Variants in NPAS3 observed in about 807,000 individuals in gnomAD.
NPAS3 encodes the protein neuronal PAS domain protein 3, also known as neuronal PAS domain-containing protein 3.
Under a neutral mutation model 73.1 loss-of-function variants are expected in NPAS3, and 14 were observed. The ratio of observed to expected loss-of-function variants is 0.19; its 90% confidence interval spans 0.13 to 0.30. The LOEUF (loss-of-function observed/expected upper bound fraction) is 0.30, where lower values mean the gene tolerates loss of function less well. Ranked by LOEUF, NPAS3 falls within the 10% of genes least tolerant of loss-of-function variation. NPAS3 has a pLI of 1.00. For synonymous variants in NPAS3, 620 were observed against 541.5 expected (o/e 1.14, Z -2.01); for missense variants, 1,096 against 1,250.0 (o/e 0.88, Z 1.86).
At chr14:32,962,530 TG>T (rs1331760015) in intron 1 of NPAS3, among the ~76,000 whole-genome samples, 2 of 151,446 alleles carry the variant, frequency 1.3e-5, no homozygotes, top group East Asian at 3.9e-4. Context: ...CACAAATCTT[TG>T]GGGGGTAGCT....
chr14:33,599,943 A>T (rs1361207859), intron 5 of NPAS3, among the ~76,000 whole-genome samples: 2 of 152,226 alleles, frequency 1.3e-5, no homozygotes, highest in Non-Finnish European at 2.9e-5. Flanking sequence ...ATGACACTGA[A>T]GAAGTGTAGA....
intron 2 of NPAS3, among the ~76,000 whole-genome samples, chr14:33,077,774 G>GTTTT (rs3057435): frequency 0.07 from 6,124 of 87,498 alleles, 457 homozygotes; most frequent in Middle Eastern, 0.17. Flanking sequence ...TGCAGTAAGG[G>GTTTT]TTTTTTTTTT....
chr14:33,184,169 G>A (rs2045901963), intron 2 of NPAS3, among the ~76,000 whole-genome samples: 1 of 152,196 alleles, frequency 6.6e-6, no homozygotes, highest in Non-Finnish European at 1.5e-5. Context: ...TCCTTGAATA[G>A]GGAGGGGCAC....
intron 4 of NPAS3, among the ~76,000 whole-genome samples, chr14:33,456,001 T>G (rs976884703): frequency 6.6e-6 from 1 of 152,194 alleles, no homozygotes; most frequent in Admixed American, 6.5e-5. Context: ...AATATGGCAG[T>G]TTTTCTGCAG....
At chr14:33,209,388 G>C (rs2046948661) in intron 2 of NPAS3, among the ~76,000 whole-genome samples, 1 of 152,132 alleles carries the variant, frequency 6.6e-6, no homozygotes. Flanking sequence ...AGTAATGAAG[G>C]AAGGGCAAGC....
At chr14:33,466,830 T>C (rs568674305) in intron 4 of NPAS3, among the ~76,000 whole-genome samples, 2 of 152,250 alleles carry the variant, frequency 1.3e-5, no homozygotes, top group African/African-American at 4.8e-5. Context: ...AAACCATTCA[T>C]GAGAACTCCA....
intron 3 of NPAS3, among the ~76,000 whole-genome samples, chr14:33,297,821 G>A (rs544632292): frequency 9.2e-5 from 14 of 152,146 alleles, no homozygotes; most frequent in Non-Finnish European, 1.6e-4. Context: ...CTGCCACCGC[G>A]TGAGAAATGT....
At chr14:33,602,835 G>A (rs1043588277) in intron 5 of NPAS3, among the ~76,000 whole-genome samples, 6 of 152,110 alleles carry the variant, frequency 3.9e-5, no homozygotes, top group African/African-American at 7.2e-5. Context: ...TGGTCTGAGC[G>A]CTGTTTCAGT....
intron 2 of NPAS3, among the ~76,000 whole-genome samples, chr14:33,114,440 G>T (rs552811817): frequency 6.6e-6 from 1 of 152,246 alleles, no homozygotes; most frequent in African/African-American, 2.4e-5. Flanking sequence ...GATTCAAGCA[G>T]AATGATGCCG....
Position 33,536,226 on chromosome 14 carries a change from A to G in NPAS3, c.469-23895A>G, listed in dbSNP as rs572958278. Reference sequence around the variant, plus strand: ...ATATGTAAAGTGGATAGAATGATACATCTCTGTTGAGGTTATGATATGAAA... The same window carrying G: ...ATATGTAAAGTGGATAGAATGATACGTCTCTGTTGAGGTTATGATATGAAA... On this transcript the variant is annotated intron_variant, in intron 4 of 11. Coordinates refer to ENST00000356141, the Ensembl canonical transcript of NPAS3. 2.0e-5 allele frequency among the ~76,000 whole-genome samples: 3 copies of G among 152,286 alleles called. No homozygotes were observed. The East Asian group carries it at 5.8e-4, about 29-fold the overall frequency.
intron 2 of NPAS3, among the ~76,000 whole-genome samples, chr14:33,207,985 G>A (rs900783533): frequency 2.0e-5 from 3 of 151,904 alleles, no homozygotes; most frequent in African/African-American, 7.3e-5. Context: ...TTTGTTCTGA[G>A]TTCAATTGTG....
intron 1 of NPAS3, among the ~76,000 whole-genome samples, chr14:32,983,429 G>T (rs2139415718): frequency 6.6e-6 from 1 of 152,126 alleles, no homozygotes; most frequent in Admixed American, 6.5e-5. Context: ...GCACTCACTT[G>T]TATTAAATTA....
At chr14:32,994,449 T>G (rs1320304149) in intron 1 of NPAS3, among the ~76,000 whole-genome samples, 2 of 152,134 alleles carry the variant, frequency 1.3e-5, no homozygotes, top group Non-Finnish European at 2.9e-5. Flanking sequence ...TTGTAAATTT[T>G]AGATTAGAGC....
intron 3 of NPAS3, among the ~76,000 whole-genome samples, chr14:33,264,093 T>TA (rs1428932119): frequency 1.3e-5 from 2 of 152,250 alleles, no homozygotes; most frequent in African/African-American, 2.4e-5. Flanking sequence ...TATGCGGCCA[T>TA]AAAAAATGAT....
chr14:33,653,368 T>C (rs553933471), intron 5 of NPAS3, among the ~76,000 whole-genome samples: 2 of 152,350 alleles, frequency 1.3e-5, no homozygotes, highest in South Asian at 4.1e-4. Flanking sequence ...ATTTGGTTGT[T>C]AGACAAATAG....
downstream of NPAS3, chr14:33,801,224 G>T (rs2063708845): frequency 2.0e-6 from 3 of 1,481,052 alleles, no homozygotes; most frequent in South Asian, 1.3e-5. Flanking sequence ...GTCTTCTCTC[G>T]CCACGACGGT....
intron 3 of NPAS3, among the ~76,000 whole-genome samples, chr14:33,270,334 C>T (rs1027839389): frequency 6.6e-6 from 1 of 152,054 alleles, no homozygotes; most frequent in African/African-American, 2.4e-5. Context: ...TAGAAAGGCA[C>T]CCCAACACCG....
intron 3 of NPAS3, among the ~76,000 whole-genome samples, chr14:33,234,594 G>A (rs1454971855): frequency 6.6e-6 from 1 of 152,136 alleles, no homozygotes; most frequent in South Asian, 2.1e-4. Flanking sequence ...ATTAGAGAGA[G>A]TTGGTGAGCG....
Position 33,324,306 on chromosome 14 carries a change from T to A in NPAS3, c.386-42880T>A, listed in dbSNP as rs567337965. On this transcript the variant is annotated intron_variant, in intron 3 of 11. Coordinates refer to ENST00000356141, the Ensembl canonical transcript of NPAS3. ...TAAGGACGAAAAGCTTCACATGATATTACTGCAGATTTAAAATGACAGTCG... is the reference window on the plus strand; with the variant it reads ...TAAGGACGAAAAGCTTCACATGATAATACTGCAGATTTAAAATGACAGTCG... 3.9e-5 allele frequency among the ~76,000 whole-genome samples: 6 copies of A among 152,304 alleles called. No homozygotes were observed. In the South Asian group the frequency reaches 1.2e-3, roughly 32 times the overall value.
Sources: gnomAD v4.1 joint callset for allele counts (sites outside exome capture counted in the v4.1 genomes callset) on GRCh38, gnomAD v4.1.1 for gene constraint, MANE v1.5 for transcripts, NCBI Gene and HGNC (gene_info 2026-07-23, HGNC 2026-07-21) for gene names.